Variants in PRDM5 observed in about 807,000 individuals in gnomAD.
The protein encoded by PRDM5 is PR domain zinc finger protein 5.
Under a neutral mutation model 81.2 loss-of-function variants are expected in PRDM5, and 56 were observed. The observed-to-expected ratio is 0.69, with a 90% CI of 0.56 to 0.86. The LOEUF (loss-of-function observed/expected upper bound fraction) is 0.86, where lower values mean the gene tolerates loss of function less well. Ranked by LOEUF, PRDM5 falls within the 40% of genes least tolerant of loss-of-function variation. The pLI is 0.00. For synonymous variants in PRDM5, 267 were observed against 256.4 expected (o/e 1.04, Z -0.39); for missense variants, 697 against 770.1 (o/e 0.91, Z 1.12).
intron 10 of PRDM5, among the ~76,000 whole-genome samples, chr4:120,797,024 T>C (rs1751436482): frequency 6.6e-6 from 1 of 152,168 alleles, no homozygotes; most frequent in South Asian, 2.1e-4. Flanking sequence ...TGAATTCAAT[T>C]CAAGCATGAT....
At position 120,694,516 on chromosome 4, in the gene PRDM5, C is replaced by T. The variant is rs1173127589; in HGVS notation, c.*595G>A. ...AGTTATCAAATATCTATTTTAAACT[C>T]ATTTGTTGCACAGAGCTATTAGATA... On this transcript the variant is annotated 3_prime_UTR_variant, in exon 16 of 16. Coordinates refer to ENST00000264808, the MANE Select transcript of PRDM5 (RefSeq NM_018699.4). 6.6e-6 allele frequency: 1 copy of T among 152,494 alleles called. No homozygotes were observed. The highest frequency in any genetic ancestry group is 2.4e-5 in the African/African-American group (1 of 41,420). 9.4% of individuals were successfully genotyped at this position (152,494 alleles called of 1,614,324 possible). A position where few individuals can be genotyped will look rare whatever the true frequency, so the allele number is the denominator to read the frequency against.
At chr4:120,894,238 C>A (rs868305435) in intron 2 of PRDM5, among the ~76,000 whole-genome samples, 18 of 152,260 alleles carry the variant, frequency 1.2e-4, no homozygotes, top group African/African-American at 4.1e-4. Flanking sequence ...AATTTACTTA[C>A]TAGAAACCCG....
intron 3 of PRDM5, among the ~76,000 whole-genome samples, chr4:120,821,681 C>T (rs1036565875): frequency 6.6e-6 from 1 of 150,814 alleles, no homozygotes; most frequent in African/African-American, 2.4e-5. Flanking sequence ...GTCATTCACA[C>T]ATGCAGACAG....
At chr4:120,847,374 G>A (rs1758777484) in intron 3 of PRDM5, among the ~76,000 whole-genome samples, 1 of 151,962 alleles carries the variant, frequency 6.6e-6, no homozygotes. Flanking sequence ...CACCCTCTCT[G>A]GGAGAAGCAG....
chr4:120,875,838 T>C (rs1323071632), intron 2 of PRDM5, among the ~76,000 whole-genome samples: 1 of 152,176 alleles, frequency 6.6e-6, no homozygotes, highest in Non-Finnish European at 1.5e-5. Context: ...GCTTACAGGA[T>C]AGATGCCATG....
chr4:120,875,541 G>A (rs1352583504), intron 2 of PRDM5, among the ~76,000 whole-genome samples: 2 of 152,188 alleles, frequency 1.3e-5, no homozygotes, highest in East Asian at 3.8e-4. Context: ...TGGTCTCTGA[G>A]GACCAGGTCA....
chr4:120,714,338 T>C (rs1737440559), intron 14 of PRDM5, among the ~76,000 whole-genome samples: 1 of 152,176 alleles, frequency 6.6e-6, no homozygotes, highest in African/African-American at 2.4e-5. Context: ...AATATCTCTT[T>C]AACATTTCCA....
In PRDM5 at chr4:120,710,023, C is replaced by T. The variant is rs79397936; in HGVS notation, c.1728+286G>A. On this transcript the variant is annotated intron_variant, in intron 15 of 15. Transcript: ENST00000264808. ...TGCCTCAAATCATCATGCTTTTACA[C>T]CTTGGAAGAACAACTCAACGGTATT... Among the ~76,000 whole-genome samples, 2,503 of 152,160 alleles carry T rather than the reference C, an allele frequency of 0.016. 68 individuals are homozygous for T. Among genetic ancestry groups the T allele is most frequent in the African/African-American group, 0.057 (2,363 of 41,484 alleles).
In PRDM5 at chr4:120,797,635, T is replaced by C. The variant is rs537566258; in HGVS notation, c.1188+632A>G. On this transcript the variant is annotated intron_variant, in intron 10 of 15. Transcript: ENST00000264808. ...AGGAAACTCCAAAAGAGAAGCTATC[T>C]TGGGCAAAGAGAATGAAAAAACCAT... Among the ~76,000 whole-genome samples the C allele has an allele frequency of 4.6e-5, 7 of 152,326 alleles. No individual in the cohort carries two copies. In the East Asian group the frequency reaches 1.2e-3, roughly 25 times the overall value.
At chr4:120,816,420 C>T (rs768276309) in intron 7 of PRDM5, 33 bp downstream of exon 7, 101 of 1,613,990 alleles carry the variant, frequency 6.3e-5, no homozygotes, top group Non-Finnish European at 8.5e-5. Context: ...GAAAGGAAGC[C>T]CCTTCGGAAA....
At chr4:120,718,083 G>T (rs1206831249) in intron 14 of PRDM5, among the ~76,000 whole-genome samples, 1 of 152,146 alleles carries the variant, frequency 6.6e-6, no homozygotes, top group Non-Finnish European at 1.5e-5. Flanking sequence ...TTAGGAGAAG[G>T]TTCAACTTGC....
At chr4:120,858,329 G>C (rs1760119423) in intron 2 of PRDM5, among the ~76,000 whole-genome samples, 1 of 152,056 alleles carries the variant, frequency 6.6e-6, no homozygotes, top group Non-Finnish European at 1.5e-5. Context: ...TAATTATCCA[G>C]ACTTCAGGAT....
At chr4:120,902,275 G>C (rs904862965) in intron 2 of PRDM5, among the ~76,000 whole-genome samples, 1 of 152,204 alleles carries the variant, frequency 6.6e-6, no homozygotes, top group African/African-American at 2.4e-5. Context: ...AAAATGTAAA[G>C]TTATATGCTG....
intron 8 of PRDM5, among the ~76,000 whole-genome samples, chr4:120,803,732 C>G (rs1752472305): frequency 6.6e-6 from 1 of 152,168 alleles, no homozygotes; most frequent in African/African-American, 2.4e-5. Flanking sequence ...ACAACCAGTA[C>G]CAGCCACTGC....
chr4:120,702,258 G>C (rs778995120), intron 15 of PRDM5, among the ~76,000 whole-genome samples: 19 of 152,102 alleles, frequency 1.2e-4, no homozygotes, highest in Non-Finnish European at 2.2e-4. Flanking sequence ...TTGTTCCATG[G>C]TGTTTTGCTA....
chr4:120,914,346 C>A (rs2148704552), intron 1 of PRDM5, among the ~76,000 whole-genome samples: 1 of 152,008 alleles, frequency 6.6e-6, no homozygotes. Context: ...GAATCAAATT[C>A]AAAAACAAAA....
rs1270339932 is a variant in PRDM5, at chr4:120,798,280, T to C, written c.1175A>G (p.Lys392Arg). The C allele has an allele frequency of 1.2e-6, 2 of 1,601,612 alleles. No individual in the cohort carries two copies. Among genetic ancestry groups the C allele is most frequent in the Admixed American group, 1.7e-5 (1 of 58,904 alleles). ...GKGFAHRNVY[K>R]NHKKTHSEER... ...AATAAGTTTTACCTTCTTATGATTC[T>C]TGTAAACATTTCTGTGGGCAAATCC... The change falls in exon 10 of 16, where the codon AAG becomes AGG. Residue 392 changes from lysine to arginine, a missense_variant. Lys to Arg is a conservative substitution (Grantham distance 26). Transcript: ENST00000264808.
chr4:120,921,439 G>T (rs1724899296), intron 1 of PRDM5, among the ~76,000 whole-genome samples: 1 of 152,188 alleles, frequency 6.6e-6, no homozygotes, highest in Admixed American at 6.5e-5. Context: ...TGGAGATCAT[G>T]TTGTCAGTGG....
chr4:120,757,205 G>T (rs994355340), intron 13 of PRDM5, among the ~76,000 whole-genome samples: 1 of 152,128 alleles, frequency 6.6e-6, no homozygotes, highest in Admixed American at 6.6e-5. Context: ...TTATAATATA[G>T]GAATTCTGTC....
Sources: gnomAD v4.1 joint callset for allele counts (sites outside exome capture counted in the v4.1 genomes callset) on GRCh38, gnomAD v4.1.1 for gene constraint, MANE v1.5 for transcripts, NCBI Gene and HGNC (gene_info 2026-07-23, HGNC 2026-07-21) for gene names.